Variants in CD109 observed in about 807,000 individuals in gnomAD.
The protein encoded by CD109 is CD109 antigen.
In CD109, 149 loss-of-function variants were observed where a neutral mutation model predicts 165.8. The observed-to-expected ratio is 0.90, with a 90% CI of 0.79 to 1.03. The LOEUF (loss-of-function observed/expected upper bound fraction) is 1.03. Ranked by LOEUF, CD109 falls within the 50% of genes least tolerant of loss-of-function variation. The pLI is 0.00. For missense variants in CD109, 1,712 were observed against 1,677.8 expected (o/e 1.02, Z -0.36); for synonymous variants, 585 against 592.1 (o/e 0.99, Z 0.18).
intron 2 of CD109, among the ~76,000 whole-genome samples, chr6:73,701,361 G>A (rs577367056): frequency 1.3e-5 from 2 of 152,240 alleles, no homozygotes; most frequent in Admixed American, 6.5e-5. Context: ...CTGGCAAAAC[G>A]TAGTAAAAGT....
At chr6:73,789,377 C>T (rs1281578651) in intron 22 of CD109, among the ~76,000 whole-genome samples, 1 of 152,038 alleles carries the variant, frequency 6.6e-6, no homozygotes, top group Non-Finnish European at 1.5e-5. Flanking sequence ...ATAACTAAAT[C>T]AAGCTGGTTG....
chr6:73,739,348 C>T (rs531254988), intron 5 of CD109, among the ~76,000 whole-genome samples: 1 of 152,290 alleles, frequency 6.6e-6, no homozygotes, highest in Admixed American at 6.5e-5. Context: ...GCCTTGGTCT[C>T]TGGCTTTTGT....
rs192523811 is a variant in CD109 at position 73,791,505 on chromosome 6, C to T, written c.2702-1121C>T. ...CACACATATACACAGAGGGAAGGAG[C>T]CTGGCTTTTTAAATATGTACCATCA... On this transcript the variant is annotated intron_variant, in intron 22 of 32. Coordinates refer to ENST00000287097, the MANE Select transcript of CD109 (RefSeq NM_133493.5). Among the ~76,000 whole-genome samples, 212 of 151,862 alleles carry T rather than the reference C, an allele frequency of 1.4e-3. 2 individuals are homozygous for T. Among genetic ancestry groups the T allele is most frequent in the African/African-American group, 5.0e-3 (205 of 41,400 alleles).
At chr6:73,733,355 C>T (rs1772434680) in intron 4 of CD109, among the ~76,000 whole-genome samples, 1 of 152,196 alleles carries the variant, frequency 6.6e-6, no homozygotes, top group African/African-American at 2.4e-5. Context: ...AGCTAAGATA[C>T]TGACTGTCAC....
At chr6:73,687,494 C>G in the CD109 span, among the ~76,000 whole-genome samples, 1 of 150,630 alleles carries the variant, frequency 6.6e-6, no homozygotes, top group Non-Finnish European at 1.5e-5. Flanking sequence ...CCTCTCCTCC[C>G]CTTCTTTCCT....
chr6:73,724,084 CTTCT>C (rs1036574530), intron 3 of CD109, among the ~76,000 whole-genome samples: 3 of 152,238 alleles, frequency 2.0e-5, no homozygotes, highest in Admixed American at 6.5e-5. Context: ...AAAACTTCGA[CTTCT>C]TTGTTTATAA....
intron 2 of CD109, among the ~76,000 whole-genome samples, chr6:73,707,205 A>G (rs1224631615): frequency 6.6e-6 from 1 of 152,304 alleles, no homozygotes; most frequent in African/African-American, 2.4e-5. Context: ...TGCCATGGCC[A>G]TGGGAGTTGG....
intron 28 of CD109, 21 bp from the exon 29 acceptor site, chr6:73,812,184 C>CT (rs760424069): frequency 1.8e-5 from 29 of 1,583,054 alleles, no homozygotes; most frequent in African/African-American, 1.5e-4. Context: ...GCCTCATTCA[C>CT]TTTTTTTCAC....
rs980776708 is a variant in CD109, at chr6:73,823,748, A to G, written c.*115A>G. ...TGAAAAAAGAGTTTTTTTTCTTTCT[A>G]TGGGGTTGCAGGGATGGTGTACAAC... On this transcript the variant is annotated 3_prime_UTR_variant, in exon 33 of 33. Coordinates refer to ENST00000287097, the MANE Select transcript of CD109 (RefSeq NM_133493.5). The G allele has an allele frequency of 2.3e-5, 22 of 972,068 alleles. No individual in the cohort carries two copies. The highest frequency in any genetic ancestry group is 3.0e-5 in the Non-Finnish European group (20 of 659,254). 60.2% of individuals were successfully genotyped at this position (972,068 alleles called of 1,614,324 possible). A position where few individuals can be genotyped will look rare whatever the true frequency, so the allele number is the denominator to read the frequency against.
chr6:73,823,498 G>A lies in CD109; in HGVS notation c.4203G>A (p.Leu1401=). The A allele has an allele frequency of 6.2e-7, 1 of 1,613,688 alleles. No homozygotes were observed. Among genetic ancestry groups the A allele is most frequent in the Non-Finnish European group, 8.5e-7 (1 of 1,179,698 alleles). Reference sequence around the variant, plus strand: ...GAAGTTACAACTCTGAAGTGAAGCTGTCCTCCTGTGACCTTTGCAGTGATG... The same window carrying A: ...GAAGTTACAACTCTGAAGTGAAGCTATCCTCCTGTGACCTTTGCAGTGATG... ...AVRSYNSEVK[L]SSCDLCSDVQ... The change falls in exon 33 of 33, where the codon CTG becomes CTA. Residue 1401 remains leucine (L), a synonymous_variant. Coordinates refer to ENST00000287097, the MANE Select transcript of CD109 (RefSeq NM_133493.5).
At chr6:73,777,896 G>A (rs1774315543) in intron 15 of CD109, among the ~76,000 whole-genome samples, 1 of 152,152 alleles carries the variant, frequency 6.6e-6, no homozygotes, top group Non-Finnish European at 1.5e-5. Context: ...GGCTATACGA[G>A]CTCTTTTTTG....
chr6:73,823,459 G>A lies in CD109; in HGVS notation c.4164G>A (p.Arg1388=). Reference sequence around the variant, plus strand: ...ACTGATGTCTGCTTCTTTGAACAGGGAGACAGGCGGTGAGAAGTTACAACT... The same window carrying A: ...ACTGATGTCTGCTTCTTTGAACAGGAAGACAGGCGGTGAGAAGTTACAACT... ...SVSIVDYYEP[R]RQAVRSYNSE... Residue 1388 remains arginine (R), a splice_region_variant and synonymous_variant, in exon 33 of 33, where the codon AGG becomes AGA. Transcript: ENST00000287097. 1.2e-6 allele frequency: 2 copies of A among 1,602,450 alleles called. No individual in the cohort carries two copies. The highest frequency in any genetic ancestry group is 1.7e-6 in the Non-Finnish European group (2 of 1,171,598).
At position 73,726,675 on chromosome 6, in the gene CD109, T is replaced by G. The variant is rs182581482; in HGVS notation, c.276+3396T>G. ...TGTCTAGCAAGAATGTTTTTGAATGTGCTTACCTTATGTATCCTAGGCAGA... is the reference window on the plus strand; with the variant it reads ...TGTCTAGCAAGAATGTTTTTGAATGGGCTTACCTTATGTATCCTAGGCAGA... On this transcript the variant is annotated intron_variant, in intron 3 of 32. Transcript: ENST00000287097. Among the ~76,000 whole-genome samples, 523 of 152,330 alleles carry G rather than the reference T, an allele frequency of 3.4e-3. 3 individuals carry two copies. Among genetic ancestry groups the G allele is most frequent in the African/African-American group, 0.012 (489 of 41,580 alleles).
intron 2 of CD109, among the ~76,000 whole-genome samples, chr6:73,706,472 C>T (rs1771270403): frequency 6.6e-6 from 1 of 152,154 alleles, no homozygotes; most frequent in Admixed American, 6.5e-5. Context: ...TTTATTACTG[C>T]CATGGTTGTC....
chr6:73,756,815 G>A (rs538914684), intron 6 of CD109, 133 bp downstream of exon 6: 1 of 535,536 alleles, frequency 1.9e-6, no homozygotes, highest in Non-Finnish European at 3.1e-6. Context: ...TTTTTTAAAG[G>A]CCTAACCATA....
intron 22 of CD109, among the ~76,000 whole-genome samples, chr6:73,790,749 GTGGAT>G (rs147351859): frequency 1.3e-5 from 2 of 152,260 alleles, no homozygotes; most frequent in East Asian, 3.9e-4. Context: ...CAGGCTGTCA[GTGGAT>G]TGGATGGTGC....
intron 2 of CD109, among the ~76,000 whole-genome samples, chr6:73,710,465 A>G (rs1196439331): frequency 6.6e-6 from 1 of 152,208 alleles, no homozygotes; most frequent in Non-Finnish European, 1.5e-5. Context: ...ATGGAAGAAC[A>G]TTCCATGCTC....
At chr6:73,776,239 C>T (rs760363847) in intron 15 of CD109, among the ~76,000 whole-genome samples, 6 of 152,058 alleles carry the variant, frequency 3.9e-5, no homozygotes, top group Non-Finnish European at 7.4e-5. Context: ...GATGGTATCT[C>T]ATTGTGTGTT....
rs1338826646 is a variant in CD109, at chr6:73,788,470, T to C, written c.2559T>C (p.Ala853=). The change falls in exon 22 of 33, where the codon GCT becomes GCC. Residue 853 remains alanine, a splice_region_variant and synonymous_variant. Coordinates refer to ENST00000287097, the MANE Select transcript of CD109 (RefSeq NM_133493.5). ...DAVTQMILVK[A]EGIEKSYSQS... ...ATTGTGTTCATTTTTTTCAACAGGC[T>C]GAAGGAATAGAAAAATCATATTCAC... 1 of 1,610,068 alleles carries C rather than the reference T, an allele frequency of 6.2e-7. No individual in the cohort carries two copies. The highest frequency in any genetic ancestry group is 8.5e-7 in the Non-Finnish European group (1 of 1,179,082).
Sources: gnomAD v4.1 joint callset for allele counts (sites outside exome capture counted in the v4.1 genomes callset) on GRCh38, gnomAD v4.1.1 for gene constraint, MANE v1.5 for transcripts, NCBI Gene and HGNC (gene_info 2026-07-23, HGNC 2026-07-21) for gene names.